CCSER1: variants seen among roughly 807,000 people sequenced by gnomAD.
The protein encoded by CCSER1 is coiled-coil serine rich protein 1, also known as serine-rich coiled-coil domain-containing protein 1.
A neutral mutation model predicts 82.0 loss-of-function variants in CCSER1; 41 were observed. The observed-to-expected ratio is 0.50, with a 90% CI of 0.39 to 0.65. The LOEUF (loss-of-function observed/expected upper bound fraction) is 0.65, where lower values mean the gene tolerates loss of function less well. CCSER1 is among the 30% of genes least tolerant of loss of function. The pLI, the probability that CCSER1 is intolerant of heterozygous loss-of-function variation, is 0.00. For synonymous variants in CCSER1, 414 were observed against 383.9 expected, an observed-to-expected ratio of 1.08 and a Z score of -0.92; for missense variants, 1,119 against 1,064.2, an observed-to-expected ratio of 1.05 and a Z score of -0.72.
chr4:91,222,545 T>G (rs983240532), intron 10 of CCSER1, among the ~76,000 whole-genome samples: 1 of 152,154 alleles, frequency 6.6e-6, no homozygotes, highest in Non-Finnish European at 1.5e-5. Flanking sequence ...TCAAATAAGC[T>G]TCCCATTATA....
chr4:91,163,759 C>CT (rs200389174), intron 10 of CCSER1, among the ~76,000 whole-genome samples: 192 of 151,782 alleles, frequency 1.3e-3, no homozygotes, highest in African/African-American at 3.7e-3. Flanking sequence ...GCAATCCCTG[C>CT]TTTTTTTTGC....
intron 8 of CCSER1, among the ~76,000 whole-genome samples, chr4:90,899,677 G>C (rs1724304259): frequency 6.6e-6 from 1 of 151,922 alleles, no homozygotes; most frequent in Non-Finnish European, 1.5e-5. Context: ...TGGATTTTAT[G>C]TAAAACTTTT....
At chr4:91,096,396 C>A (rs1321278603) in intron 10 of CCSER1, among the ~76,000 whole-genome samples, 2 of 152,160 alleles carry the variant, frequency 1.3e-5, no homozygotes, top group African/African-American at 4.8e-5. Flanking sequence ...GCTGGCTTCC[C>A]TCGGCAGGTG....
chr4:90,255,928 G>A (rs987520540), intron 1 of CCSER1, among the ~76,000 whole-genome samples: 3 of 152,250 alleles, frequency 2.0e-5, no homozygotes, highest in Admixed American at 1.3e-4. Context: ...AGCTCTAGAT[G>A]TTTATGTAAC....
chr4:90,796,757 GA>G (rs1396285130), intron 7 of CCSER1, among the ~76,000 whole-genome samples: 1 of 152,100 alleles, frequency 6.6e-6, no homozygotes, highest in Admixed American at 6.5e-5. Flanking sequence ...AGTCATTCAG[GA>G]GAAAGTTTTT....
In CCSER1 at chr4:90,312,786, A is replaced by T. The variant is rs568052933; in HGVS notation, c.1325-77A>T. The T allele has an allele frequency of 4.1e-5, 47 of 1,135,792 alleles. No homozygotes were observed. The East Asian group carries it at 1.1e-3, about 27-fold the overall frequency. 70.4% of individuals were successfully genotyped at this position (1,135,792 alleles called of 1,614,324 possible). ...CTTTGAATAACACTAAGAGTTTTTCATGATCTTTCAGTGGGACATTTGTAA... is the reference window on the plus strand; with the variant it reads ...CTTTGAATAACACTAAGAGTTTTTCTTGATCTTTCAGTGGGACATTTGTAA... On this transcript the variant is annotated intron_variant, in intron 2 of 10. Coordinates refer to ENST00000509176, the MANE Select transcript of CCSER1 (RefSeq NM_001145065.2).
chr4:90,273,006 A>AAAAC (rs376986613), intron 1 of CCSER1, among the ~76,000 whole-genome samples: 5 of 134,004 alleles, frequency 3.7e-5, no homozygotes, highest in Non-Finnish European at 7.5e-5. Context: ...CTATCTCAAA[A>AAAAC]AAACAAACAA....
chr4:90,636,465 T>G (rs1725438499), intron 6 of CCSER1, among the ~76,000 whole-genome samples: 1 of 151,974 alleles, frequency 6.6e-6, no homozygotes, highest in Admixed American at 6.6e-5. Flanking sequence ...TAAATATAGA[T>G]GCAAAAGTCA....
chr4:90,628,851 G>C (rs1052581971), intron 6 of CCSER1, among the ~76,000 whole-genome samples: 3 of 152,088 alleles, frequency 2.0e-5, no homozygotes, highest in African/African-American at 7.2e-5. Context: ...GCTTTGGTTT[G>C]ATTTTTATAA....
chr4:91,157,749 G>A (rs1288096394), intron 10 of CCSER1, among the ~76,000 whole-genome samples: 1 of 151,910 alleles, frequency 6.6e-6, no homozygotes. Flanking sequence ...GTACAGCAGC[G>A]AATCTGGGAA....
intron 10 of CCSER1, among the ~76,000 whole-genome samples, chr4:91,577,561 G>A (rs1463948668): frequency 1.3e-5 from 2 of 151,988 alleles, no homozygotes; most frequent in African/African-American, 2.4e-5. Context: ...TTGGATTAAT[G>A]AACATCATAA....
intron 3 of CCSER1, among the ~76,000 whole-genome samples, chr4:90,316,044 T>C (rs949324119): frequency 2.0e-5 from 3 of 152,230 alleles, no homozygotes; most frequent in African/African-American, 7.2e-5. Flanking sequence ...TATTTTATTT[T>C]AAAGCAATTA....
At chr4:90,870,167 A>G (rs1312434061) in intron 8 of CCSER1, among the ~76,000 whole-genome samples, 1 of 151,894 alleles carries the variant, frequency 6.6e-6, no homozygotes, top group Non-Finnish European at 1.5e-5. Flanking sequence ...TTCATTTCCA[A>G]TTTGGATGTA....
chr4:90,739,303 G>C (rs969883220), intron 7 of CCSER1, among the ~76,000 whole-genome samples: 2 of 152,214 alleles, frequency 1.3e-5, no homozygotes, highest in Admixed American at 6.5e-5. Context: ...GTCTCTGCCT[G>C]TTGCCCTATT....
chr4:90,690,579 T>A (rs1735634397), intron 6 of CCSER1, among the ~76,000 whole-genome samples: 1 of 152,102 alleles, frequency 6.6e-6, no homozygotes. Context: ...AAGTTCCTTT[T>A]GGCTTCTGCT....
At chr4:90,536,960 G>A (rs1040780541) in intron 5 of CCSER1, among the ~76,000 whole-genome samples, 1 of 152,092 alleles carries the variant, frequency 6.6e-6, no homozygotes, top group Non-Finnish European at 1.5e-5. Context: ...CTCTTGCTTC[G>A]TATATTGGTT....
rs530297267 is a variant in CCSER1 at position 91,349,478 on chromosome 4, T to C, written c.2218-249094T>C. Among the ~76,000 whole-genome samples, 3 of 152,288 alleles carry C rather than the reference T, an allele frequency of 2.0e-5. No homozygotes were observed. The East Asian group carries it at 5.8e-4, about 29-fold the overall frequency. On this transcript the variant is annotated intron_variant, in intron 10 of 10. Transcript: ENST00000509176. ...TCTAAAGTCTTACATTAGGCCTCCT[T>C]CTGTTACTGAGCCTGTGCACCTTAT... is the stretch of plus-strand genomic sequence containing the variant.
chr4:91,513,919 T>C (rs182523894), intron 10 of CCSER1, among the ~76,000 whole-genome samples: 2 of 152,240 alleles, frequency 1.3e-5, no homozygotes, highest in Admixed American at 6.5e-5. Flanking sequence ...TTTGGTTTCA[T>C]TGATTCTTTT....
chr4:90,767,199 T>G (rs999619596), intron 7 of CCSER1, among the ~76,000 whole-genome samples: 21 of 152,222 alleles, frequency 1.4e-4, no homozygotes, highest in Admixed American at 1.3e-3. Context: ...TTCATTGTCC[T>G]GCTTGTATGT....
Sources: gnomAD v4.1 joint callset for allele counts (sites outside exome capture counted in the v4.1 genomes callset) on GRCh38, gnomAD v4.1.1 for gene constraint, MANE v1.5 for transcripts, NCBI Gene and HGNC (gene_info 2026-07-23, HGNC 2026-07-21) for gene names.